RAD18: variants seen among roughly 807,000 people sequenced by gnomAD.
The protein encoded by RAD18 is E3 ubiquitin-protein ligase RAD18.
In RAD18, 47 loss-of-function variants were observed where a neutral mutation model predicts 60.4. The observed-to-expected ratio is 0.78, with a 90% CI of 0.62 to 0.99. RAD18 has a LOEUF of 0.99. Among genes scored for constraint, RAD18 ranks in the 50% least tolerant of loss-of-function variants. RAD18 has a pLI of 0.00. For missense variants in RAD18, 640 were observed against 593.3 expected, an observed-to-expected ratio of 1.08 and a Z score of -0.82; for synonymous variants, 225 against 195.5, an observed-to-expected ratio of 1.15 and a Z score of -1.26.
chr3:8,957,742 T>A (rs868194245), intron 2 of RAD18, among the ~76,000 whole-genome samples: 1 of 152,288 alleles, frequency 6.6e-6, no homozygotes, highest in African/African-American at 2.4e-5. Flanking sequence ...AGTCCAGAAA[T>A]AGACTACAGA....
In RAD18 at chr3:8,936,093, T is replaced by C. The variant is rs201259928; in HGVS notation, c.705-38A>G. The C allele has an allele frequency of 1.8e-5, 26 of 1,421,476 alleles. No homozygotes were observed. The African/African-American group carries it at 3.7e-4, about 20-fold the overall frequency. 88.1% of individuals were successfully genotyped at this position (1,421,476 alleles called of 1,614,324 possible). On this transcript the variant is annotated intron_variant, in intron 6 of 12. Coordinates refer to ENST00000264926, the MANE Select transcript of RAD18 (RefSeq NM_020165.4). The stretch of plus-strand genomic sequence containing the variant: ...GAAGATACCTGATGATTATTGTGAA[T>C]TATCAAATGCTTTTCATGTAAAATG...
chr3:8,955,438 T>A (rs1447312113), intron 2 of RAD18, among the ~76,000 whole-genome samples: 1 of 152,126 alleles, frequency 6.6e-6, no homozygotes. Flanking sequence ...TTGCTACTGA[T>A]CCACAGGACC....
chr3:8,898,423 C>A (rs1196528263), intron 11 of RAD18, among the ~76,000 whole-genome samples: 1 of 145,826 alleles, frequency 6.9e-6, no homozygotes, highest in African/African-American at 2.7e-5. Context: ...TAAAATAAAC[C>A]CTATATATTT....
chr3:8,889,754 C>G (rs250408), intron 12 of RAD18, among the ~76,000 whole-genome samples: 127,396 of 152,150 alleles, frequency 0.84, 53,580 homozygotes, highest in South Asian at 0.9. Context: ...GGACCTTTTA[C>G]GCATATTAAA....
At chr3:8,935,179 T>C (rs1940627137) in intron 7 of RAD18, among the ~76,000 whole-genome samples, 2 of 152,242 alleles carry the variant, frequency 1.3e-5, no homozygotes, top group African/African-American at 2.4e-5. Flanking sequence ...AATACACTTA[T>C]AATTTGTGTG....
intron 5 of RAD18, among the ~76,000 whole-genome samples, chr3:8,940,695 A>T (rs1036229368): frequency 1.3e-5 from 2 of 152,240 alleles, no homozygotes; most frequent in African/African-American, 4.8e-5. Flanking sequence ...AGTCCAGAAA[A>T]CAAGTGCTAT....
intron 7 of RAD18, among the ~76,000 whole-genome samples, chr3:8,927,844 G>C (rs949076397): frequency 1.3e-5 from 2 of 151,880 alleles, no homozygotes; most frequent in Non-Finnish European, 2.9e-5. Context: ...CTCACTCATA[G>C]GTGGGAACTG....
At chr3:8,944,624 A>G (rs996598911) in intron 4 of RAD18, among the ~76,000 whole-genome samples, 1 of 142,846 alleles carries the variant, frequency 7.0e-6, no homozygotes, top group Non-Finnish European at 1.5e-5. Flanking sequence ...GGGAGGGAGA[A>G]AGGAAAGGAG....
chr3:8,955,813 A>G (rs142095611), intron 2 of RAD18, among the ~76,000 whole-genome samples: 1 of 152,144 alleles, frequency 6.6e-6, no homozygotes, highest in Non-Finnish European at 1.5e-5. Flanking sequence ...AGCCCCTAGA[A>G]TCTGCAGTCA....
At chr3:8,927,578 A>G (rs1292013536) in intron 7 of RAD18, among the ~76,000 whole-genome samples, 2 of 152,256 alleles carry the variant, frequency 1.3e-5, no homozygotes, top group Admixed American at 6.5e-5. Flanking sequence ...CCAAAGGATT[A>G]TAAACCATGC....
chr3:8,948,479 A>C, intron 3 of RAD18, 30 bp downstream of exon 3: 1 of 1,574,100 alleles, frequency 6.4e-7, no homozygotes, highest in Non-Finnish European at 8.7e-7. Context: ...AGCAGTCAGT[A>C]AGTTTTAAAA....
intron 2 of RAD18, 119 bp from the exon 3 acceptor site, chr3:8,948,689 A>G (rs533480368): frequency 7.4e-5 from 58 of 786,830 alleles, no homozygotes; most frequent in South Asian, 5.1e-4. Context: ...TATCATCATA[A>G]GCTTAAATTT....
chr3:8,886,452 C>A (rs1007650981), intron 12 of RAD18, among the ~76,000 whole-genome samples: 1 of 152,146 alleles, frequency 6.6e-6, no homozygotes, highest in Non-Finnish European at 1.5e-5. Flanking sequence ...AGTGGTGATC[C>A]TTATTCATTC....
intron 7 of RAD18, among the ~76,000 whole-genome samples, chr3:8,919,880 T>A (rs981777855): frequency 6.6e-6 from 1 of 152,116 alleles, no homozygotes; most frequent in African/African-American, 2.4e-5. Flanking sequence ...GGAATTAGAA[T>A]GAAGACACTC....
intron 9 of RAD18, among the ~76,000 whole-genome samples, chr3:8,906,312 C>T (rs1344348020): frequency 6.6e-6 from 1 of 152,110 alleles, no homozygotes; most frequent in Non-Finnish European, 1.5e-5. Context: ...AAATAACAAA[C>T]TTTAAAAAAC....
chr3:8,897,716 T>C (rs533526286), intron 11 of RAD18, among the ~76,000 whole-genome samples: 2 of 152,320 alleles, frequency 1.3e-5, no homozygotes, highest in East Asian at 1.9e-4. Flanking sequence ...TTCTGATAGG[T>C]AGGCATTTTA....
intron 10 of RAD18, among the ~76,000 whole-genome samples, chr3:8,900,317 C>T (rs192008000): frequency 6.6e-6 from 1 of 152,202 alleles, no homozygotes; most frequent in African/African-American, 2.4e-5. Context: ...GGAGCCAATC[C>T]CCCAGTCAAC....
chr3:8,957,531 A>C (rs1322494338), intron 2 of RAD18, among the ~76,000 whole-genome samples: 1 of 152,228 alleles, frequency 6.6e-6, no homozygotes, highest in African/African-American at 2.4e-5. Context: ...TTACTGCAAT[A>C]GGGGTTATCC....
rs183344537 is a variant in RAD18 at position 8,945,377 on chromosome 3, G to A, written c.266+1843C>T. 5.7e-4 allele frequency among the ~76,000 whole-genome samples: 87 copies of A among 151,672 alleles called. No homozygotes were observed. In the South Asian group the frequency reaches 6.7e-3, roughly 12 times the overall value. On this transcript the variant is annotated intron_variant, in intron 4 of 12. Coordinates refer to ENST00000264926, the MANE Select transcript of RAD18 (RefSeq NM_020165.4). ...ATACACAGTGGTGGTTTCATTAGAC[G>A]ATAATGGAGCTGAAAAATTCCCATT...
Sources: allele counts gnomAD v4.1 joint callset (sites outside exome capture counted in the v4.1 genomes callset), GRCh38; gene constraint gnomAD v4.1.1; transcripts MANE v1.5; gene names NCBI Gene and HGNC (gene_info 2026-07-23, HGNC 2026-07-21).